Variants in EHBP1 observed in about 807,000 individuals in gnomAD.
EHBP1 encodes EH domain-binding protein 1.
Under a neutral mutation model 144.0 loss-of-function variants are expected in EHBP1, and 55 were observed. The observed-to-expected ratio is 0.38, with a 90% CI of 0.31 to 0.48. The LOEUF is 0.48. EHBP1 is among the 20% of genes least tolerant of loss of function. The pLI, the probability that EHBP1 is intolerant of heterozygous loss-of-function variation, is 0.98. For synonymous variants in EHBP1, 469 were observed against 472.7 expected, an observed-to-expected ratio of 0.99 and a Z score of 0.10; for missense variants, 1,200 against 1,364.2, an observed-to-expected ratio of 0.88 and a Z score of 1.90.
chr2:62,914,531 C>A (rs1452237044), intron 10 of EHBP1, among the ~76,000 whole-genome samples: 1 of 151,724 alleles, frequency 6.6e-6, no homozygotes, highest in Admixed American at 6.6e-5. Context: ...GTATAATCTC[C>A]CCAGTCAATG....
At chr2:62,980,760 C>T (rs903035889) in intron 15 of EHBP1, among the ~76,000 whole-genome samples, 1 of 151,648 alleles carries the variant, frequency 6.6e-6, no homozygotes, top group Non-Finnish European at 1.5e-5. Flanking sequence ...GGGAGGATCA[C>T]TTGAACCCAG....
intron 14 of EHBP1, among the ~76,000 whole-genome samples, chr2:62,969,282 C>G (rs1476332466): frequency 2.6e-5 from 4 of 152,044 alleles, no homozygotes; most frequent in East Asian, 3.9e-4. Flanking sequence ...ATAAAACTTT[C>G]TATCCCAGAA....
intron 21 of EHBP1, among the ~76,000 whole-genome samples, chr2:63,039,405 C>G (rs1467784658): frequency 2.0e-5 from 3 of 152,134 alleles, no homozygotes; most frequent in Non-Finnish European, 2.9e-5. Flanking sequence ...GCTAGCTTAT[C>G]TGGCATTTAC....
chr2:62,865,417 A>G (rs2049961356), intron 9 of EHBP1, among the ~76,000 whole-genome samples: 1 of 152,228 alleles, frequency 6.6e-6, no homozygotes, highest in African/African-American at 2.4e-5. Context: ...ATATTTCTAA[A>G]TTAGGGATTA....
At chr2:62,952,610 C>G (rs1195617114) in intron 13 of EHBP1, among the ~76,000 whole-genome samples, 1 of 152,132 alleles carries the variant, frequency 6.6e-6, no homozygotes, top group Non-Finnish European at 1.5e-5. Context: ...ATCTCTTAGA[C>G]TTTACAACTC....
intron 19 of EHBP1, among the ~76,000 whole-genome samples, chr2:63,026,452 A>G (rs1184665349): frequency 6.6e-6 from 1 of 152,104 alleles, no homozygotes; most frequent in African/African-American, 2.4e-5. Context: ...AGTGCTTTAC[A>G]TATTTGAATT....
At position 62,849,494 on chromosome 2, in the gene EHBP1, T is replaced by C. The variant is rs780086817; in HGVS notation, c.635-9675T>C. Among the ~76,000 whole-genome samples, 5 of 152,266 alleles carry C rather than the reference T, an allele frequency of 3.3e-5. No individual in the cohort carries two copies. The South Asian group carries it at 1.0e-3, about 32-fold the overall frequency. Reference sequence around the variant, plus strand: ...CACAGAACTTTGAGAGATAATAATTTGTTGTTTTAAGTCACCAAATTTTGA... The same window carrying C: ...CACAGAACTTTGAGAGATAATAATTCGTTGTTTTAAGTCACCAAATTTTGA... On this transcript the variant is annotated intron_variant, in intron 7 of 22. Coordinates refer to ENST00000431489, the MANE Select transcript of EHBP1 (RefSeq NM_001142616.3).
At chr2:62,801,570 A>G (rs1304738581) in intron 5 of EHBP1, among the ~76,000 whole-genome samples, 3 of 152,226 alleles carry the variant, frequency 2.0e-5, no homozygotes, top group Non-Finnish European at 4.4e-5. Context: ...TTATTTATTG[A>G]TACTCTTCAT....
In EHBP1 at chr2:62,840,931, G is replaced by T. The variant is rs1346425298; in HGVS notation, c.634+9773G>T. Among the ~76,000 whole-genome samples the T allele has an allele frequency of 2.6e-5, 4 of 152,122 alleles. No homozygotes were observed. The South Asian group carries it at 8.3e-4, about 32-fold the overall frequency. On this transcript the variant is annotated intron_variant, in intron 7 of 22. Coordinates refer to ENST00000431489, the MANE Select transcript of EHBP1 (RefSeq NM_001142616.3). ...TTCAACCATTGTGGAAGTCAGTGTG[G>T]TGATTCCTCAGGGATCTAGAACTAG...
At chr2:62,886,508 T>C (rs572783597) in intron 10 of EHBP1, among the ~76,000 whole-genome samples, 1 of 148,410 alleles carries the variant, frequency 6.7e-6, no homozygotes, top group Non-Finnish European at 1.5e-5. Context: ...GTTCTATTGG[T>C]TAGTATTTTT....
intron 10 of EHBP1, among the ~76,000 whole-genome samples, chr2:62,875,041 G>T (rs1319400605): frequency 6.6e-6 from 1 of 151,984 alleles, no homozygotes; most frequent in Non-Finnish European, 1.5e-5. Flanking sequence ...GCTGGTGTAA[G>T]CATATGCACA....
intron 3 of EHBP1, among the ~76,000 whole-genome samples, chr2:62,751,435 C>G (rs2039707381): frequency 6.6e-6 from 1 of 150,858 alleles, no homozygotes; most frequent in South Asian, 2.1e-4. Context: ...GGATATTGGT[C>G]CAAAATTCTC....
At chr2:62,911,592 G>T (rs1317054360) in intron 10 of EHBP1, among the ~76,000 whole-genome samples, 2 of 152,086 alleles carry the variant, frequency 1.3e-5, no homozygotes, top group African/African-American at 4.8e-5. Flanking sequence ...CTCTCAAGTA[G>T]CTGGGATTAC....
intron 3 of EHBP1, among the ~76,000 whole-genome samples, chr2:62,752,251 A>G (rs997954215): frequency 7.2e-5 from 11 of 152,212 alleles, no homozygotes; most frequent in African/African-American, 2.4e-4. Flanking sequence ...CCCAGTAGCC[A>G]TTCAGGAGCA....
chr2:62,674,144 T>C (rs1675609769), intron 1 of EHBP1: 7 of 470,990 alleles, frequency 1.5e-5, no homozygotes. Context: ...CAAATATGTC[T>C]TTTCTTTGGA....
chr2:62,859,388 A>C (rs78858847), intron 8 of EHBP1, 97 bp downstream of exon 8: 12,780 of 1,158,822 alleles, frequency 0.011, 87 homozygotes, highest in Non-Finnish European at 0.013. Context: ...TAACACACAA[A>C]AAATTATTGT....
chr2:62,687,852 A>C (rs561223530), intron 1 of EHBP1, among the ~76,000 whole-genome samples: 1 of 152,300 alleles, frequency 6.6e-6, no homozygotes, highest in South Asian at 2.1e-4. Context: ...GATTGAAAGA[A>C]AGATAGTAAG....
At chr2:62,758,726 T>G (rs1052428457) in intron 3 of EHBP1, among the ~76,000 whole-genome samples, 1 of 152,178 alleles carries the variant, frequency 6.6e-6, no homozygotes, top group African/African-American at 2.4e-5. Context: ...CTCACCAATT[T>G]TTTTTCATGG....
At chr2:62,920,596 G>T (rs1020063161) in intron 10 of EHBP1, among the ~76,000 whole-genome samples, 2 of 152,146 alleles carry the variant, frequency 1.3e-5, no homozygotes, top group Non-Finnish European at 2.9e-5. Flanking sequence ...TGTAACAATG[G>T]TGTAAACATA....
Sources: gnomAD v4.1 joint callset for allele counts (sites outside exome capture counted in the v4.1 genomes callset) on GRCh38, gnomAD v4.1.1 for gene constraint, MANE v1.5 for transcripts, NCBI Gene and HGNC (gene_info 2026-07-23, HGNC 2026-07-21) for gene names.